UBE2E2: variants seen among roughly 807,000 people sequenced by gnomAD.
The protein encoded by UBE2E2 is ubiquitin-conjugating enzyme E2 E2.
A neutral mutation model predicts 24.7 loss-of-function variants in UBE2E2; 6 were observed. That is an observed-to-expected ratio of 0.24 (90% CI 0.13 to 0.48). The LOEUF (loss-of-function observed/expected upper bound fraction) is 0.48. Ranked by LOEUF, UBE2E2 falls within the 20% of genes least tolerant of loss-of-function variation. UBE2E2 has a pLI of 0.99. For synonymous variants in UBE2E2, 104 were observed against 83.6 expected, an observed-to-expected ratio of 1.24 and a Z score of -1.33; for missense variants, 169 against 245.0, an observed-to-expected ratio of 0.69 and a Z score of 2.07.
chr3:23,300,618 G>A (rs376000577), intron 3 of UBE2E2, among the ~76,000 whole-genome samples: 1 of 152,162 alleles, frequency 6.6e-6, no homozygotes, highest in African/African-American at 2.4e-5. Context: ...GGTCCCCACT[G>A]TCTTCTGGCT....
chr3:23,356,697 T>C lies in UBE2E2; in HGVS notation c.227+139385T>C, dbSNP rs560658038. On this transcript the variant is annotated intron_variant, in intron 3 of 5. Transcript: ENST00000396703. ...TTCTCTTTTAGAAAATCTTCTCATA[T>C]CAATTCCAAGTAGTTTTAGGTGGAA... is the stretch of plus-strand genomic sequence containing the variant. Among the ~76,000 whole-genome samples, 3 of 152,338 alleles carry C rather than the reference T, an allele frequency of 2.0e-5. No homozygotes were observed. In the South Asian group the frequency reaches 6.2e-4, roughly 32 times the overall value.
At chr3:23,439,292 A>T (rs1698245713) in intron 3 of UBE2E2, among the ~76,000 whole-genome samples, 1 of 152,288 alleles carries the variant, frequency 6.6e-6, no homozygotes, top group South Asian at 2.1e-4. Flanking sequence ...TTCCTTCCTG[A>T]CTGGCCATCA....
chr3:23,530,025 A>AT (rs1257102843), intron 4 of UBE2E2, among the ~76,000 whole-genome samples: 1 of 152,088 alleles, frequency 6.6e-6, no homozygotes, highest in Non-Finnish European at 1.5e-5. Context: ...ATAGTAACTG[A>AT]TTTTTTTCTT....
chr3:23,503,151 GT>G (rs57410713), intron 4 of UBE2E2, among the ~76,000 whole-genome samples: 94 of 145,628 alleles, frequency 6.5e-4, no homozygotes, highest in African/African-American at 1.1e-3. Flanking sequence ...GTTTTTTGGG[GT>G]TTTTTTTTTG....
intron 3 of UBE2E2, among the ~76,000 whole-genome samples, chr3:23,225,188 A>G (rs983699290): frequency 6.6e-6 from 1 of 151,644 alleles, no homozygotes; most frequent in African/African-American, 2.4e-5. Context: ...CATTTTGGAT[A>G]TAAGTCCTGT....
At chr3:23,379,752 A>T (rs1210536568) in intron 3 of UBE2E2, among the ~76,000 whole-genome samples, 2 of 152,134 alleles carry the variant, frequency 1.3e-5, no homozygotes, top group Non-Finnish European at 2.9e-5. Context: ...TGTTAGAAAG[A>T]CACCTCTCTG....
At chr3:23,397,285 TA>T (rs1697101778) in intron 3 of UBE2E2, among the ~76,000 whole-genome samples, 1 of 152,158 alleles carries the variant, frequency 6.6e-6, no homozygotes, top group South Asian at 2.1e-4. Flanking sequence ...GATGGCTAAA[TA>T]AAAAAGTCAA....
chr3:23,234,967 G>A (rs755735430), intron 3 of UBE2E2, among the ~76,000 whole-genome samples: 1 of 152,146 alleles, frequency 6.6e-6, no homozygotes, highest in South Asian at 2.1e-4. Context: ...ACTAGGTTAA[G>A]TGAAATGAGA....
chr3:23,282,796 T>A (rs1218488301), intron 3 of UBE2E2, among the ~76,000 whole-genome samples: 3 of 151,916 alleles, frequency 2.0e-5, no homozygotes, highest in Non-Finnish European at 4.4e-5. Context: ...ACAGAACATG[T>A]AACATTCTTT....
At chr3:23,312,261 C>T (rs572077766) in intron 3 of UBE2E2, among the ~76,000 whole-genome samples, 9 of 152,180 alleles carry the variant, frequency 5.9e-5, no homozygotes, top group Admixed American at 1.3e-4. Context: ...TACCCAGACT[C>T]GGATATTTCT....
chr3:23,547,441 GT>G (rs1310845009), intron 5 of UBE2E2, among the ~76,000 whole-genome samples: 1 of 152,148 alleles, frequency 6.6e-6, no homozygotes, highest in East Asian at 1.9e-4. Flanking sequence ...AAATTCTTAA[GT>G]GCTATTTCTT....
At chr3:23,236,159 A>G (rs1697102433) in intron 3 of UBE2E2, among the ~76,000 whole-genome samples, 1 of 152,154 alleles carries the variant, frequency 6.6e-6, no homozygotes, top group Admixed American at 6.6e-5. Flanking sequence ...AAGTTGAGAG[A>G]AAAAGAGAGT....
At chr3:23,332,533 CTG>C (rs1161296919) in intron 3 of UBE2E2, among the ~76,000 whole-genome samples, 2 of 152,170 alleles carry the variant, frequency 1.3e-5, no homozygotes, top group Non-Finnish European at 2.9e-5. Context: ...AATTTAAAAA[CTG>C]TATGTAATAA....
At chr3:23,353,619 G>T (rs1297631784) in intron 3 of UBE2E2, among the ~76,000 whole-genome samples, 1 of 152,104 alleles carries the variant, frequency 6.6e-6, no homozygotes, top group African/African-American at 2.4e-5. Flanking sequence ...CAAATCATGA[G>T]TGAACTCCCA....
intron 3 of UBE2E2, among the ~76,000 whole-genome samples, chr3:23,340,101 T>C (rs1695339073): frequency 6.6e-6 from 1 of 152,102 alleles, no homozygotes; most frequent in African/African-American, 2.4e-5. Context: ...AGTTAACCTA[T>C]ATTGGAGGTG....
chr3:23,284,649 T>A (rs1421172204), intron 3 of UBE2E2, among the ~76,000 whole-genome samples: 3 of 152,086 alleles, frequency 2.0e-5, no homozygotes, highest in African/African-American at 7.2e-5. Context: ...AGTATTTGTC[T>A]TTTAAAGAAG....
intron 3 of UBE2E2, among the ~76,000 whole-genome samples, chr3:23,431,260 C>T (rs1235471476): frequency 6.6e-6 from 1 of 152,114 alleles, no homozygotes; most frequent in African/African-American, 2.4e-5. Flanking sequence ...AGATGGTACA[C>T]TGAAGAAAGA....
rs1405288773 is a variant in UBE2E2 at position 23,568,720 on chromosome 3, C to CATATATATGTATACATATATAT, written c.509-21000_509-20979dup. 8.0e-3 allele frequency among the ~76,000 whole-genome samples: 1,058 copies of CATATATATGTATACATATATAT among 132,752 alleles called. 31 individuals are homozygous for CATATATATGTATACATATATAT. Among genetic ancestry groups the CATATATATGTATACATATATAT allele is most frequent in the African/African-American group, 0.029 (938 of 32,480 alleles). The allele number at this position is 132,752 out of a possible 152,430, so 87.1% of individuals were successfully genotyped here. ...ACATATATATATACATGTATATACA[C>CATATATATGTATACATATATAT]ATATATATGTATACATATATATATA... is the stretch of plus-strand genomic sequence containing the variant. On this transcript the variant is annotated intron_variant, in intron 5 of 5. Coordinates refer to ENST00000396703, the MANE Select transcript of UBE2E2 (RefSeq NM_152653.4).
chr3:23,428,878 C>T (rs918866708), intron 3 of UBE2E2, among the ~76,000 whole-genome samples: 6 of 132,452 alleles, frequency 4.5e-5, no homozygotes, highest in African/African-American at 1.7e-4. Flanking sequence ...AGTGAGCTGT[C>T]ATCATACCAT....
Sources: allele counts gnomAD v4.1 joint callset (sites outside exome capture counted in the v4.1 genomes callset), GRCh38; gene constraint gnomAD v4.1.1; transcripts MANE v1.5; gene names NCBI Gene and HGNC (gene_info 2026-07-23, HGNC 2026-07-21).